The following ZBTB38 variants were observed in gnomAD, a reference collection of about 807,000 sequenced individuals.
The protein encoded by ZBTB38 is zinc finger and BTB domain containing 38, also known as zinc finger and BTB domain-containing protein 38.
A neutral mutation model predicts 76.8 loss-of-function variants in ZBTB38; 20 were observed. The observed-to-expected ratio is 0.26, with a 90% CI of 0.18 to 0.38. The LOEUF (loss-of-function observed/expected upper bound fraction) is 0.38. Ranked by LOEUF, ZBTB38 falls within the 10% of genes least tolerant of loss-of-function variation. The probability of loss-of-function intolerance (pLI) is 1.00; values close to 1 mark genes in which losing one functional copy is unlikely to be tolerated. For synonymous variants in ZBTB38, 504 were observed against 544.2 expected (o/e 0.93, Z 1.03); for missense variants, 1,082 against 1,482.3 (o/e 0.73, Z 4.43).
intron 5 of ZBTB38, among the ~76,000 whole-genome samples, chr3:141,407,259 A>G (rs1954868638): frequency 6.6e-6 from 1 of 152,232 alleles, no homozygotes; most frequent in Non-Finnish European, 1.5e-5. Flanking sequence ...GCTTAGTACA[A>G]TGGAATGAGG....
At chr3:141,340,613 G>T (rs1199255752) in intron 1 of ZBTB38, among the ~76,000 whole-genome samples, 3 of 152,102 alleles carry the variant, frequency 2.0e-5, no homozygotes, top group Admixed American at 6.5e-5. Flanking sequence ...TATACAAGTG[G>T]TTGGCCGGGC....
At chr3:141,392,136 A>T (rs1949058588) in intron 4 of ZBTB38, among the ~76,000 whole-genome samples, 1 of 152,216 alleles carries the variant, frequency 6.6e-6, no homozygotes, top group Non-Finnish European at 1.5e-5. Flanking sequence ...GACTTTGCTT[A>T]TCACAGTAGA....
intron 5 of ZBTB38, among the ~76,000 whole-genome samples, chr3:141,425,494 T>C (rs895286533): frequency 1.3e-5 from 2 of 152,240 alleles, no homozygotes; most frequent in African/African-American, 2.4e-5. Context: ...CACCTGGTGG[T>C]CCCATATAGC....
At chr3:141,363,452 A>G (rs906730775) in intron 1 of ZBTB38, among the ~76,000 whole-genome samples, 12 of 152,212 alleles carry the variant, frequency 7.9e-5, no homozygotes, top group African/African-American at 2.9e-4. Flanking sequence ...ATTTTGAAAG[A>G]GAACAAAGTT....
At chr3:141,334,865 A>G (rs753585936) in intron 1 of ZBTB38, among the ~76,000 whole-genome samples, 19 of 152,382 alleles carry the variant, frequency 1.2e-4, no homozygotes, top group Middle Eastern at 6.8e-3. Context: ...CCTGATTTTG[A>G]ACAATTAGCT....
At chr3:141,432,859 A>G (rs958357383) in intron 5 of ZBTB38, among the ~76,000 whole-genome samples, 1 of 152,238 alleles carries the variant, frequency 6.6e-6, no homozygotes, top group African/African-American at 2.4e-5. Context: ...ACCAATACTT[A>G]AAAGCAATAT....
chr3:141,336,287 T>C (rs971819044), intron 1 of ZBTB38, among the ~76,000 whole-genome samples: 2 of 152,036 alleles, frequency 1.3e-5, no homozygotes, highest in African/African-American at 4.8e-5. Context: ...AAATGGGAGA[T>C]GTCAAACCCA....
At chr3:141,329,562 A>G (rs1942782926) in intron 1 of ZBTB38, among the ~76,000 whole-genome samples, 1 of 152,210 alleles carries the variant, frequency 6.6e-6, no homozygotes, top group Admixed American at 6.5e-5. Context: ...AAAGAATTAT[A>G]TTTCTAGGGC....
chr3:141,422,242 G>T (rs1026023067), intron 5 of ZBTB38, among the ~76,000 whole-genome samples: 1 of 152,188 alleles, frequency 6.6e-6, no homozygotes, highest in Non-Finnish European at 1.5e-5. Context: ...GACAGCAGAG[G>T]CCTCCTGGGT....
chr3:141,382,522 T>A (rs1946344285), intron 3 of ZBTB38, among the ~76,000 whole-genome samples: 1 of 152,210 alleles, frequency 6.6e-6, no homozygotes, highest in African/African-American at 2.4e-5. Flanking sequence ...AATAAATACA[T>A]TTCAAGTGGA....
chr3:141,389,727 T>C (rs1948263979), intron 4 of ZBTB38: 1 of 152,238 alleles, frequency 6.6e-6, no homozygotes, highest in Non-Finnish European at 1.5e-5. Flanking sequence ...CTACAATGTC[T>C]TCTATTTTGA....
In ZBTB38 at chr3:141,398,742, T is replaced by A. The variant is rs185266489; in HGVS notation, c.-105-5185T>A. Among the ~76,000 whole-genome samples, 301 of 152,298 alleles carry A rather than the reference T, an allele frequency of 2.0e-3. 1 individual carries two copies. The highest frequency in any genetic ancestry group is 0.016 in the South Asian group (77 of 4,834). The stretch of plus-strand genomic sequence containing the variant: ...TAGATTACTTTTAAAATATATTTTT[T>A]AAATGTGGATTACTAAAAAAGAAAA... On this transcript the variant is annotated intron_variant, in intron 4 of 5. Transcript: ENST00000321464.
intron 1 of ZBTB38, among the ~76,000 whole-genome samples, chr3:141,324,926 A>G (rs1268073356): frequency 6.6e-6 from 1 of 152,260 alleles, no homozygotes; most frequent in Non-Finnish European, 1.5e-5. Context: ...AATAACAACA[A>G]AAAAGGTATT....
intron 5 of ZBTB38, among the ~76,000 whole-genome samples, chr3:141,415,896 G>A (rs961768098): frequency 6.6e-6 from 1 of 152,156 alleles, no homozygotes; most frequent in Non-Finnish European, 1.5e-5. Flanking sequence ...AGCAGGGAAG[G>A]TCCTATTTTA....
intron 1 of ZBTB38, among the ~76,000 whole-genome samples, chr3:141,337,949 C>T (rs1283067840): frequency 2.0e-5 from 3 of 152,162 alleles, no homozygotes; most frequent in African/African-American, 7.2e-5. Context: ...CAACAATATT[C>T]ATTGAATGTC....
intron 5 of ZBTB38, among the ~76,000 whole-genome samples, chr3:141,410,580 G>A (rs947728341): frequency 6.6e-6 from 1 of 152,200 alleles, no homozygotes; most frequent in African/African-American, 2.4e-5. Flanking sequence ...ATTGTCCCAT[G>A]AGAGCAAGCT....
At chr3:141,429,254 A>C (rs964879113) in intron 5 of ZBTB38, among the ~76,000 whole-genome samples, 1 of 150,580 alleles carries the variant, frequency 6.6e-6, no homozygotes, top group Non-Finnish European at 1.5e-5. Context: ...GGGGATGGTG[A>C]GTGCAGAGGA....
At chr3:141,357,200 T>C (rs1334062466) in intron 1 of ZBTB38, among the ~76,000 whole-genome samples, 1 of 152,264 alleles carries the variant, frequency 6.6e-6, no homozygotes, top group East Asian at 1.9e-4. Flanking sequence ...TTTTATATAC[T>C]ATTTGTCATT....
chr3:141,394,717 G>A (rs867748837), intron 4 of ZBTB38, among the ~76,000 whole-genome samples: 12 of 152,168 alleles, frequency 7.9e-5, no homozygotes, highest in South Asian at 4.1e-4. Context: ...TGTTTGAATC[G>A]CTTGGTCTCC....
Sources: gnomAD v4.1 joint callset for allele counts (sites outside exome capture counted in the v4.1 genomes callset) on GRCh38, gnomAD v4.1.1 for gene constraint, MANE v1.5 for transcripts, NCBI Gene and HGNC (gene_info 2026-07-23, HGNC 2026-07-21) for gene names.